The following GPSM2 variants were observed in gnomAD, a reference collection of about 807,000 sequenced individuals.
GPSM2 encodes G protein-signaling modulator 2.
A neutral mutation model predicts 78.4 loss-of-function variants in GPSM2; 58 were observed. The observed-to-expected ratio is 0.74, with a 90% confidence interval of 0.60 to 0.92. The LOEUF (loss-of-function observed/expected upper bound fraction) is 0.92, where lower values mean the gene tolerates loss of function less well. Among genes scored for constraint, GPSM2 ranks in the 40% least tolerant of loss-of-function variants. The pLI, the probability that GPSM2 is intolerant of heterozygous loss-of-function variation, is 0.00. For missense variants in GPSM2, 700 were observed against 815.5 expected (o/e 0.86, Z 1.73); for synonymous variants, 224 against 280.2 (o/e 0.80, Z 2.00).
intron 1 of GPSM2, among the ~76,000 whole-genome samples, chr1:108,884,578 A>G (rs1647386082): frequency 6.6e-6 from 1 of 152,212 alleles, no homozygotes; most frequent in African/African-American, 2.4e-5. Flanking sequence ...AAAGACAAGC[A>G]AAGGAATAAG....
chr1:108,878,983 C>T (rs1191779926), intron 1 of GPSM2, among the ~76,000 whole-genome samples: 1 of 152,208 alleles, frequency 6.6e-6, no homozygotes, highest in Non-Finnish European at 1.5e-5. Flanking sequence ...TCTGCTGTGT[C>T]TCTGGATTCC....
rs1648576997 is a variant in GPSM2, at chr1:108,898,882, C to T, written c.685C>T (p.Leu229Phe). 2 of 1,608,822 alleles carry T rather than the reference C, an allele frequency of 1.2e-6. No individual in the cohort carries two copies. The highest frequency in any genetic ancestry group is 1.7e-4 in the Middle Eastern group (1 of 6,054). The stretch of plus-strand genomic sequence containing the variant: ...TAATTAAAATTGTTTGTTTCAGCGT[C>T]TCCTTATTGCAAAAGAATTTGGAGA... The part of the protein sequence containing the change: ...RDAVIAHEQR[L>F]LIAKEFGDKA... The change falls in exon 7 of 15, where the codon CTC becomes TTC. Residue 229 changes from leucine to phenylalanine, a missense_variant. Transcript: ENST00000264126.
At chr1:108,923,253 T>G (rs4970816) in intron 13 of GPSM2, among the ~76,000 whole-genome samples, 4 of 151,836 alleles carry the variant, frequency 2.6e-5, no homozygotes, top group Non-Finnish European at 5.9e-5. Context: ...AGGCTGGTCT[T>G]GAGCTCCTGG....
chr1:108,897,926 CA>C, intron 4 of GPSM2, 32 bp from the exon 5 acceptor site: 1 of 1,610,348 alleles, frequency 6.2e-7, no homozygotes, highest in South Asian at 1.1e-5. Flanking sequence ...CCTCTGTTTT[CA>C]AAATGTAAAC....
chr1:108,917,565 C>G (rs1309179804), intron 11 of GPSM2, among the ~76,000 whole-genome samples: 1 of 121,788 alleles, frequency 8.2e-6, no homozygotes, highest in African/African-American at 3.1e-5. Context: ...GACTCCGTCT[C>G]AAAAAAATTT....
intron 1 of GPSM2, among the ~76,000 whole-genome samples, chr1:108,881,120 T>A (rs1665874701): frequency 6.6e-6 from 1 of 152,172 alleles, no homozygotes; most frequent in Non-Finnish European, 1.5e-5. Flanking sequence ...GCAGTTAGAG[T>A]TATGTACTAG....
At chr1:108,897,144 ATATTTC>A (rs1306324329) in intron 3 of GPSM2, 59 bp downstream of exon 3, 2 of 1,249,972 alleles carry the variant, frequency 1.6e-6, no homozygotes, top group Non-Finnish European at 2.3e-6. Flanking sequence ...ACTTTAAAAA[ATATTTC>A]TATTCAATTA....
intron 14 of GPSM2, 180 bp from the exon 15 acceptor site, chr1:108,929,518 GATT>G (rs1199642594): frequency 1.6e-6 from 1 of 635,522 alleles, no homozygotes. Flanking sequence ...CAGGTTTAAA[GATT>G]ATTTCTTTCA....
chr1:108,900,199 G>A (rs1035847746), intron 7 of GPSM2, among the ~76,000 whole-genome samples: 3 of 149,286 alleles, frequency 2.0e-5, no homozygotes, highest in African/African-American at 7.4e-5. Flanking sequence ...ATTCCAAGTC[G>A]TTGGTTAGAA....
At chr1:108,911,175 A>C (rs1039205099) in intron 10 of GPSM2, among the ~76,000 whole-genome samples, 1 of 152,202 alleles carries the variant, frequency 6.6e-6, no homozygotes, top group African/African-American at 2.4e-5. Context: ...ACCAAAAGAC[A>C]GTCAGTATAG....
rs1479869436 is a variant in GPSM2 at position 108,933,966 on chromosome 1, T to C, written c.*4026T>C. On this transcript the variant is annotated 3_prime_UTR_variant, in exon 15 of 15. Transcript: ENST00000264126. Reference sequence around the variant, plus strand: ...AAAAATAGGTTTTATAAAAAGCCCATGCACTTCAATTGGTGGGGGAAAAGA... The same window carrying C: ...AAAAATAGGTTTTATAAAAAGCCCACGCACTTCAATTGGTGGGGGAAAAGA... The C allele has an allele frequency of 1.3e-5, 2 of 152,238 alleles. No homozygotes were observed. The highest frequency in any genetic ancestry group is 6.5e-5 in the Admixed American group (1 of 15,284). The allele number at this position is 152,238 out of a possible 1,614,324, so 9.4% of individuals were successfully genotyped here.
At chr1:108,923,955 TTTTTTG>T (rs1650929661) in intron 13 of GPSM2, 39 bp from the exon 14 acceptor site, 72 of 1,420,328 alleles carry the variant, frequency 5.1e-5, no homozygotes, top group Non-Finnish European at 6.1e-5. Context: ...TTGTTTTTTG[TTTTTTG>T]TTTTTTTTTA....
At chr1:108,878,103 A>G (rs754113770) in intron 1 of GPSM2, among the ~76,000 whole-genome samples, 1 of 152,214 alleles carries the variant, frequency 6.6e-6, no homozygotes, top group Non-Finnish European at 1.5e-5. Flanking sequence ...GGTGTACCGA[A>G]GATTTCTGGC....
In GPSM2 at chr1:108,918,621, C is replaced by G. The variant is rs758707644; in HGVS notation, c.1272C>G (p.Asn424Lys). Residue 424 changes from asparagine to lysine, a missense_variant, in exon 12 of 15, where the codon AAC (asparagine) becomes AAG (lysine). Coordinates refer to ENST00000264126, the MANE Select transcript of GPSM2 (RefSeq NM_013296.5). Reference protein sequence around the residue: ...LMKLTPEKVQNWNSEILAKQK... With the variant: ...LMKLTPEKVQKWNSEILAKQK... The stretch of plus-strand genomic sequence containing the variant: ...CATTTATAATTTTGTAGGTACAGAA[C>G]TGGAACAGTGAAATTCTTGCTAAGC... 4 of 1,612,050 alleles carry G rather than the reference C, an allele frequency of 2.5e-6. No individual in the cohort carries two copies. Among genetic ancestry groups the G allele is most frequent in the Non-Finnish European group, 3.4e-6 (4 of 1,178,212 alleles).
Position 108,934,466 on chromosome 1 carries a change from G to GATGAA in GPSM2, c.*4533_*4537dup, listed in dbSNP as rs1652543837. On this transcript the variant is annotated 3_prime_UTR_variant, in exon 15 of 15. Coordinates refer to ENST00000264126, the MANE Select transcript of GPSM2 (RefSeq NM_013296.5). The stretch of plus-strand genomic sequence containing the variant: ...TATGGGATGTAAATATCAAAGAGAA[G>GATGAA]ATGAAATGAAAAGCTTTTACATATA... 1 of 546,024 alleles carries GATGAA rather than the reference G, an allele frequency of 1.8e-6. No homozygotes were observed. The highest frequency in any genetic ancestry group is 3.3e-5 in the Admixed American group (1 of 30,582). The allele number at this position is 546,024 out of a possible 1,614,324, so 33.8% of individuals were successfully genotyped here.
intron 14 of GPSM2, among the ~76,000 whole-genome samples, chr1:108,927,103 AG>A (rs1461536314): frequency 1.3e-5 from 2 of 152,254 alleles, no homozygotes; most frequent in African/African-American, 4.8e-5. Flanking sequence ...ACTGAGGCAA[AG>A]ACTTGTATAA....
At position 108,903,203 on chromosome 1, in the gene GPSM2, T is replaced by C. The variant is rs755847101; in HGVS notation, c.1031T>C (p.Phe344Ser). 6.2e-7 allele frequency: 1 copy of C among 1,607,748 alleles called. No individual in the cohort carries two copies. Among genetic ancestry groups the C allele is most frequent in the South Asian group, 1.1e-5 (1 of 90,966 alleles). The change falls in exon 9 of 15, where the codon TTT (phenylalanine) becomes TCT (serine). Residue 344 changes from phenylalanine to serine, a missense_variant. Physicochemically the swap from Phe to Ser is radical, Grantham distance 155. Coordinates refer to ENST00000264126, the MANE Select transcript of GPSM2 (RefSeq NM_013296.5). The stretch of plus-strand genomic sequence containing the variant: ...GGAAATCATGATCAAGCAATGCATT[T>C]TGCTGAAAAGCACTTGGAAATTTCA... The part of the protein sequence containing the change: ...ALGNHDQAMH[F>S]AEKHLEISRE...
Position 108,918,766 on chromosome 1 carries a change from C to T in GPSM2, c.1417C>T (p.His473Tyr). ...VLQDASNSID[H>Y]RIPNSQRKIS... The stretch of plus-strand genomic sequence containing the variant: ...CCAAGATGCCAGTAATTCTATTGAC[C>T]ACCGAATTCCAAATTCTCAGAGGGT... The change falls in exon 12 of 15, where the codon CAC (histidine) becomes TAC (tyrosine). Residue 473 changes from histidine (H) to tyrosine (Y), a missense_variant. His to Tyr is a moderately conservative substitution (Grantham distance 83, BLOSUM62 2). Coordinates refer to ENST00000264126, the MANE Select transcript of GPSM2 (RefSeq NM_013296.5). 1 of 1,613,160 alleles carries T rather than the reference C, an allele frequency of 6.2e-7. No homozygotes were observed. The highest frequency in any genetic ancestry group is 8.5e-7 in the Non-Finnish European group (1 of 1,179,216).
chr1:108,898,741 G>A lies in GPSM2; in HGVS notation c.657G>A (p.Arg219=). ...GNTHYLLGNF[R]DAVIAHEQRL... The stretch of plus-strand genomic sequence containing the variant: ...CACATTACCTCCTTGGCAACTTCAG[G>A]GATGCAGTTATAGCTCATGAGCAGG... Residue 219 remains arginine, a synonymous_variant, in exon 6 of 15, where the codon AGG becomes AGA. Transcript: ENST00000264126. 6 of 1,613,930 alleles carry A rather than the reference G, an allele frequency of 3.7e-6. No individual in the cohort carries two copies. The South Asian group carries it at 4.4e-5, about 12-fold the overall frequency.
Sources: allele counts gnomAD v4.1 joint callset (sites outside exome capture counted in the v4.1 genomes callset), GRCh38; gene constraint gnomAD v4.1.1; transcripts MANE v1.5; gene names NCBI Gene and HGNC (gene_info 2026-07-23, HGNC 2026-07-21).